The following HNRNPA1L2 variants were observed in gnomAD, a reference collection of about 807,000 sequenced individuals.
The protein encoded by HNRNPA1L2 is heterogeneous nuclear ribonucleoprotein A1-like 2.
Under a neutral mutation model 18.2 loss-of-function variants are expected in HNRNPA1L2, and 10 were observed. That is an observed-to-expected ratio of 0.55 (90% CI 0.34 to 0.93). The LOEUF (loss-of-function observed/expected upper bound fraction) is 0.93. Among genes scored for constraint, HNRNPA1L2 ranks in the 40% least tolerant of loss-of-function variants. The probability of loss-of-function intolerance (pLI) is 0.02; values close to 1 mark genes in which losing one functional copy is unlikely to be tolerated. For synonymous variants in HNRNPA1L2, 124 were observed against 138.6 expected (o/e 0.89, Z 0.74); for missense variants, 308 against 394.4 (o/e 0.78, Z 1.85).
At chr13:52,620,877 C>CA in the HNRNPA1L2 span, among the ~76,000 whole-genome samples, 69 of 142,702 alleles carry the variant, frequency 4.8e-4, no homozygotes, top group Middle Eastern at 0.014. Flanking sequence ...GACCCTGTCT[C>CA]AAAAAAAAAA....
At chr13:52,621,245 T>G in the HNRNPA1L2 span, among the ~76,000 whole-genome samples, 242 of 152,272 alleles carry the variant, frequency 1.6e-3, no homozygotes, top group Non-Finnish European at 2.7e-3. Flanking sequence ...ATGTATCTAA[T>G]GAGGAAAGCA....
At chr13:52,626,389 G>A in the HNRNPA1L2 span, among the ~76,000 whole-genome samples, 2 of 146,478 alleles carry the variant, frequency 1.4e-5, no homozygotes, top group African/African-American at 2.5e-5. Flanking sequence ...CCAGGACTTC[G>A]AGGCCAGACT....
chr13:52,629,932 A>G, the HNRNPA1L2 span, among the ~76,000 whole-genome samples: 1 of 152,304 alleles, frequency 6.6e-6, no homozygotes, highest in African/African-American at 2.4e-5. Flanking sequence ...TACTAAAAAT[A>G]CAAAAATTAG....
chr13:52,619,898 C>T, the HNRNPA1L2 span, among the ~76,000 whole-genome samples: 1 of 119,290 alleles, frequency 8.4e-6, no homozygotes, highest in Non-Finnish European at 1.6e-5. Flanking sequence ...TCTAGCCTGG[C>T]GACAGAGCGA....
chr13:52,618,327 A>G, the HNRNPA1L2 span, among the ~76,000 whole-genome samples: 1 of 152,248 alleles, frequency 6.6e-6, no homozygotes, highest in Non-Finnish European at 1.5e-5. Context: ...TAGCCAGGAA[A>G]GAAAACGTGT....
the HNRNPA1L2 span, among the ~76,000 whole-genome samples, chr13:52,618,706 A>G: frequency 5.9e-5 from 9 of 152,338 alleles, no homozygotes; most frequent in South Asian, 1.7e-3. Flanking sequence ...GTCAGGGGGC[A>G]TTTTAATATA....
chr13:52,642,948 C>A lies in HNRNPA1L2; in HGVS notation c.456C>A (p.Thr152=). 6.3e-7 allele frequency: 1 copy of A among 1,597,130 alleles called. No homozygotes were observed. Among genetic ancestry groups the A allele is most frequent in the Non-Finnish European group, 8.5e-7 (1 of 1,179,786 alleles). The change falls in exon 1 of 1, where the codon ACC becomes ACA. Residue 152 remains threonine (T), a synonymous_variant. Transcript: ENST00000357495. The part of the protein sequence containing the change: ...SGKKRGFAFV[T]FDDHDSVDKI... Reference sequence around the variant, plus strand: ...AGAAAAGGGGCTTTGCCTTTGTAACCTTTGACGACCATGACTCCGTGGATA... The same window carrying A: ...AGAAAAGGGGCTTTGCCTTTGTAACATTTGACGACCATGACTCCGTGGATA...
chr13:52,620,283 CCAAACTTA>C, the HNRNPA1L2 span, among the ~76,000 whole-genome samples: 2 of 152,156 alleles, frequency 1.3e-5, no homozygotes, highest in Non-Finnish European at 2.9e-5. Flanking sequence ...GAACCCCATT[CCAAACTTA>C]CAAACTAAGA....
chr13:52,637,205 A>G, the HNRNPA1L2 span: 2 of 153,740 alleles, frequency 1.3e-5, no homozygotes, highest in African/African-American at 4.8e-5. Context: ...TATGAGTGTC[A>G]AGGTATTAAA....
At chr13:52,620,412 G>C in the HNRNPA1L2 span, among the ~76,000 whole-genome samples, 1 of 152,170 alleles carries the variant, frequency 6.6e-6, no homozygotes, top group Non-Finnish European at 1.5e-5. Context: ...TGTAAAACGA[G>C]AATAATAAAA....
chr13:52,626,938 C>A, the HNRNPA1L2 span, among the ~76,000 whole-genome samples: 1 of 152,254 alleles, frequency 6.6e-6, no homozygotes, highest in African/African-American at 2.4e-5. Context: ...AGAATATATT[C>A]TGTGTCCAAC....
chr13:52,642,356 T>A, upstream of HNRNPA1L2: 1 of 1,199,646 alleles, frequency 8.3e-7, no homozygotes, highest in South Asian at 1.5e-5. Flanking sequence ...AAAAATGTAT[T>A]TATTTCCCAA....
In HNRNPA1L2 at chr13:52,642,993, C is replaced by A; in HGVS notation, c.501C>A (p.Tyr167Ter). 6.3e-7 allele frequency: 1 copy of A among 1,597,448 alleles called. No individual in the cohort carries two copies. The change falls in exon 1 of 1, where the codon TAC becomes TAA. Residue 167 changes from tyrosine (Y) to a stop codon, truncating the protein, a stop_gained. Coordinates refer to ENST00000357495, the MANE Select transcript of HNRNPA1L2 (RefSeq NM_001389320.1). LOFTEE classifies it high-confidence loss of function. The part of the protein sequence containing the change: ...DSVDKIVIQK[Y>*]HTVKGHNCEV... The stretch of plus-strand genomic sequence containing the variant: ...TGGATAAGATTGTCATTCAGAAATA[C>A]CATACTGTGAAGGGCCACAACTGTG...
At chr13:52,625,586 A>T in the HNRNPA1L2 span, among the ~76,000 whole-genome samples, 1 of 152,180 alleles carries the variant, frequency 6.6e-6, no homozygotes, top group East Asian at 1.9e-4. Flanking sequence ...TTGTTATGAA[A>T]TGCATGATTC....
chr13:52,624,241 G>A, the HNRNPA1L2 span, among the ~76,000 whole-genome samples: 1 of 152,162 alleles, frequency 6.6e-6, no homozygotes, highest in Non-Finnish European at 1.5e-5. Flanking sequence ...AGCCTCCCGA[G>A]TAGCTGGGAT....
At chr13:52,642,153 A>G (rs951581122), upstream of HNRNPA1L2, 4 of 312,610 alleles carry the variant, frequency 1.3e-5, no homozygotes, top group Non-Finnish European at 1.8e-5. Context: ...TTGTTTGCCA[A>G]TATGGCCAAC....
chr13:52,619,801 GT>G, the HNRNPA1L2 span, among the ~76,000 whole-genome samples: 4 of 151,598 alleles, frequency 2.6e-5, no homozygotes, highest in East Asian at 7.8e-4. Context: ...GGCACCTGTA[GT>G]CCCCGCTACT....
upstream of HNRNPA1L2, among the ~76,000 whole-genome samples, chr13:52,637,758 A>G (rs955368990): frequency 1.3e-5 from 2 of 152,214 alleles, no homozygotes; most frequent in African/African-American, 4.8e-5. Flanking sequence ...CGACAGTACT[A>G]TCATTCTGTT....
chr13:52,624,470 C>G, the HNRNPA1L2 span, among the ~76,000 whole-genome samples: 10 of 152,054 alleles, frequency 6.6e-5, no homozygotes. Flanking sequence ...CCATGTTTAC[C>G]CTCTTCCACA....
Sources: gnomAD v4.1 joint callset for allele counts (sites outside exome capture counted in the v4.1 genomes callset) on GRCh38, gnomAD v4.1.1 for gene constraint, MANE v1.5 for transcripts, NCBI Gene and HGNC (gene_info 2026-07-23, HGNC 2026-07-21) for gene names.